The following RAB9A variants were observed in gnomAD, a reference collection of about 807,000 sequenced individuals.
RAB9A encodes the protein RAB9A, member RAS oncogene family.
Under a neutral mutation model 10.3 loss-of-function variants are expected in RAB9A, and 1 was observed. The ratio of observed to expected loss-of-function variants is 0.10; its 90% CI spans 0.03 to 0.46. The LOEUF is 0.46. Among genes scored for constraint, RAB9A ranks in the 20% least tolerant of loss-of-function variants. The pLI is 0.96. For missense variants in RAB9A, 92 were observed against 150.3 expected (o/e 0.61, Z 2.03); for synonymous variants, 39 against 55.2 (o/e 0.71, Z 1.30).
rs560573416 is a variant in RAB9A, at chrX:13,702,085, C to T, written c.-115-1729C>T. Among the ~76,000 whole-genome samples the T allele has an allele frequency of 2.3e-4, 26 of 111,349 alleles. No homozygotes were observed. In the South Asian group the frequency reaches 5.7e-3, roughly 24 times the overall value. On this transcript the variant is annotated intron_variant, in intron 1 of 2. Coordinates refer to ENST00000464506, the MANE Select transcript of RAB9A (RefSeq NM_004251.5). ...AGAAATCCTTTCCATGGCTTCTACT[C>T]GCCTCCCTGCTCCTGGGCCTCTTCC...
chrX:13,691,867 G>T (rs2046126228), intron 1 of RAB9A, among the ~76,000 whole-genome samples: 1 of 109,725 alleles, frequency 9.1e-6, no homozygotes, highest in Non-Finnish European at 1.9e-5. Flanking sequence ...AAGGGCGGTG[G>T]GGAGTCCCAA....
At chrX:13,697,696 C>T (rs2046153294) in intron 1 of RAB9A, among the ~76,000 whole-genome samples, 1 of 111,517 alleles carries the variant, frequency 9.0e-6, no homozygotes, top group Non-Finnish European at 1.9e-5. Context: ...GTGTTATGAG[C>T]TACAGAAATG....
rs143734888 is a variant in RAB9A, at chrX:13,691,169, T to C, written c.-116+1881T>C. On this transcript the variant is annotated intron_variant, in intron 1 of 2. Coordinates refer to ENST00000464506, the MANE Select transcript of RAB9A (RefSeq NM_004251.5). ...TACAGGACAGCCCCCCACAACAGAG[T>C]TGTCTAGCCCAAAATGTCACTAGTG... Among the ~76,000 whole-genome samples, 826 of 111,511 alleles carry C rather than the reference T, an allele frequency of 7.4e-3. 2 individuals are homozygous for C. The highest frequency in any genetic ancestry group is 0.026 in the African/African-American group (783 of 30,660).
At chrX:13,706,861 G>A (rs914453772) in intron 2 of RAB9A, among the ~76,000 whole-genome samples, 16 of 111,763 alleles carry the variant, frequency 1.4e-4, no homozygotes, top group Admixed American at 3.8e-4. Context: ...ATTCCTACAT[G>A]TTACAGTAAG....
intron 1 of RAB9A, among the ~76,000 whole-genome samples, chrX:13,691,659 C>CA (rs765886332): frequency 0.49 from 7,659 of 15,705 alleles, 2,780 homozygotes; most frequent in Non-Finnish European, 0.59. Flanking sequence ...GACTCCATCT[C>CA]AAAAAAAAAA....
At chrX:13,702,486 A>G (rs1375150417) in intron 1 of RAB9A, among the ~76,000 whole-genome samples, 2 of 112,091 alleles carry the variant, frequency 1.8e-5, no homozygotes, top group Non-Finnish European at 3.8e-5. Flanking sequence ...TTTACCTCTG[A>G]TATTAGAAGT....
intron 1 of RAB9A, among the ~76,000 whole-genome samples, chrX:13,695,122 C>G (rs142167043): frequency 1.8e-5 from 2 of 112,296 alleles, no homozygotes; most frequent in Non-Finnish European, 3.8e-5. Context: ...GAGAAGTGCC[C>G]GTGTGCTGTT....
In RAB9A at chrX:13,708,320, C is replaced by CA. The variant is rs753443181; in HGVS notation, c.-26-390dup. On this transcript the variant is annotated intron_variant, in intron 2 of 2. Coordinates refer to ENST00000464506, the MANE Select transcript of RAB9A (RefSeq NM_004251.5). The stretch of plus-strand genomic sequence containing the variant: ...CCTGGGTGACAGCGAGATCCTGTCT[C>CA]AAAAAAAAAAACAAAACCAAAACAA... 1.7e-3 allele frequency among the ~76,000 whole-genome samples: 161 copies of CA among 93,119 alleles called. 2 individuals are homozygous for CA. The highest frequency in any genetic ancestry group is 4.9e-3 in the African/African-American group (124 of 25,414). The allele number at this position is 93,119 out of a possible 115,157, so 80.9% of individuals were successfully genotyped here. A position where few individuals can be genotyped will look rare whatever the true frequency, so the allele number is the denominator to read the frequency against.
At chrX:13,695,456 A>G (rs2046143362) in intron 1 of RAB9A, among the ~76,000 whole-genome samples, 1 of 111,693 alleles carries the variant, frequency 9.0e-6, no homozygotes, top group African/African-American at 3.3e-5. Context: ...CTTGCAGGTA[A>G]TTTTAAGGTG....
intron 1 of RAB9A, among the ~76,000 whole-genome samples, chrX:13,693,488 G>A (rs2046134968): frequency 8.9e-6 from 1 of 111,798 alleles, no homozygotes; most frequent in South Asian, 3.7e-4. Context: ...GGAGGTCGGA[G>A]GCGGTCCCAG....
At chrX:13,691,329 A>G (rs1236896269) in intron 1 of RAB9A, among the ~76,000 whole-genome samples, 1 of 111,458 alleles carries the variant, frequency 9.0e-6, no homozygotes, top group African/African-American at 3.3e-5. Context: ...TGAGCAGGGG[A>G]AAATTCTCTC....
intron 1 of RAB9A, among the ~76,000 whole-genome samples, chrX:13,699,281 A>C (rs921156453): frequency 4.5e-5 from 5 of 112,357 alleles, no homozygotes; most frequent in Non-Finnish European, 3.8e-5. Context: ...GGGAGAACTG[A>C]TAGAGAAACA....
intron 1 of RAB9A, among the ~76,000 whole-genome samples, chrX:13,694,547 T>C (rs762800923): frequency 1.1e-4 from 12 of 111,981 alleles, no homozygotes; most frequent in African/African-American, 3.9e-4. Context: ...TATGATGTCA[T>C]CGAAAGGAAT....
Position 13,709,429 on chromosome X carries a change from C to T in RAB9A, c.*77C>T, listed in dbSNP as rs1427923541. 2.9e-5 allele frequency: 31 copies of T among 1,060,967 alleles called. No individual in the cohort carries two copies. Among genetic ancestry groups the T allele is most frequent in the Non-Finnish European group, 3.8e-5 (30 of 790,654 alleles). The allele number at this position is 1,060,967 out of a possible 1,213,427, so 87.4% of individuals were successfully genotyped here. ...ACATGGGGATGGAGAAGAGAATTAG[C>T]GTTTGCAGCAGTGTATCATCTACTA... On this transcript the variant is annotated 3_prime_UTR_variant, in exon 3 of 3. Transcript: ENST00000464506.
rs1023720241 is a variant in RAB9A, at chrX:13,702,764, G to A, written c.-115-1050G>A. Among the ~76,000 whole-genome samples the A allele has an allele frequency of 2.7e-5, 3 of 111,977 alleles. No homozygotes were observed. In the East Asian group the frequency reaches 8.4e-4, roughly 31 times the overall value. On this transcript the variant is annotated intron_variant, in intron 1 of 2. Coordinates refer to ENST00000464506, the MANE Select transcript of RAB9A (RefSeq NM_004251.5). ...GATTTTTGGTTGAGTGTGAATAGTTGTACTTTGTACCATATACCTCTCATT... is the reference window on the plus strand; with the variant it reads ...GATTTTTGGTTGAGTGTGAATAGTTATACTTTGTACCATATACCTCTCATT...
chrX:13,702,698 ATGG>A (rs1405725131), intron 1 of RAB9A, among the ~76,000 whole-genome samples: 3 of 111,665 alleles, frequency 2.7e-5, no homozygotes, highest in Non-Finnish European at 3.8e-5. Flanking sequence ...ACTGAGGGAG[ATGG>A]TGGGCAGAAT....
At chrX:13,706,393 A>C (rs1041930123) in intron 2 of RAB9A, among the ~76,000 whole-genome samples, 1 of 110,521 alleles carries the variant, frequency 9.0e-6, no homozygotes, top group Non-Finnish European at 1.9e-5. Context: ...CTGTAGTATT[A>C]ATTTGTTTTG....
At chrX:13,692,544 C>CA (rs199666998) in intron 1 of RAB9A, among the ~76,000 whole-genome samples, 1,921 of 112,184 alleles carry the variant, frequency 0.017, 36 homozygotes, top group African/African-American at 0.048. Flanking sequence ...GTTATGCCTG[C>CA]ATTTTATCAC....
At chrX:13,691,973 G>A in intron 1 of RAB9A, among the ~76,000 whole-genome samples, 1 of 108,874 alleles carries the variant, frequency 9.2e-6, no homozygotes, top group Non-Finnish European at 1.9e-5. Flanking sequence ...AAGGACAGGG[G>A]CCAGGTGTTC....
Sources: gnomAD v4.1 joint callset for allele counts (sites outside exome capture counted in the v4.1 genomes callset) on GRCh38, gnomAD v4.1.1 for gene constraint, MANE v1.5 for transcripts, NCBI Gene and HGNC (gene_info 2026-07-23, HGNC 2026-07-21) for gene names.